Variants in EXOC6 observed in about 807,000 individuals in gnomAD.
The protein encoded by EXOC6 is exocyst complex component 6.
Under a neutral mutation model 112.5 loss-of-function variants are expected in EXOC6, and 60 were observed. The ratio of observed to expected loss-of-function variants is 0.53; its 90% CI spans 0.43 to 0.66. The LOEUF (loss-of-function observed/expected upper bound fraction) is 0.66. Ranked by LOEUF, EXOC6 falls within the 30% of genes least tolerant of loss-of-function variation. EXOC6 has a pLI of 0.00. For missense variants in EXOC6, 855 were observed against 957.1 expected (o/e 0.89, Z 1.41); for synonymous variants, 295 against 308.0 (o/e 0.96, Z 0.44).
intron 20 of EXOC6, among the ~76,000 whole-genome samples, chr10:93,043,423 G>GT (rs1324609002): frequency 6.6e-6 from 1 of 152,160 alleles, no homozygotes; most frequent in East Asian, 1.9e-4. Flanking sequence ...TTTCTTACCT[G>GT]TTTGTTATTT....
chr10:92,833,603 T>C (rs1036095047), upstream of EXOC6, among the ~76,000 whole-genome samples: 8 of 152,190 alleles, frequency 5.3e-5, no homozygotes, highest in African/African-American at 1.9e-4. Flanking sequence ...ATGCCATAGA[T>C]TGTAGTTATA....
chr10:92,985,103 C>G (rs928115596), intron 18 of EXOC6, among the ~76,000 whole-genome samples: 1 of 152,096 alleles, frequency 6.6e-6, no homozygotes, highest in Non-Finnish European at 1.5e-5. Context: ...GCCCCATCCC[C>G]CTCTGCTCTC....
chr10:92,868,810 T>C (rs1485136072), intron 1 of EXOC6, among the ~76,000 whole-genome samples: 4 of 140,790 alleles, frequency 2.8e-5, no homozygotes, highest in South Asian at 2.6e-4. Context: ...CCTCCCTCCC[T>C]CCCTCTTTTT....
intron 7 of EXOC6, among the ~76,000 whole-genome samples, chr10:92,919,781 T>C (rs1292276850): frequency 1.3e-5 from 2 of 152,176 alleles, no homozygotes; most frequent in Non-Finnish European, 2.9e-5. Flanking sequence ...ATAAACATAC[T>C]ACAAAGAATA....
intron 1 of EXOC6, among the ~76,000 whole-genome samples, chr10:92,864,671 G>A (rs946039540): frequency 2.3e-4 from 35 of 152,318 alleles, no homozygotes; most frequent in African/African-American, 8.2e-4. Context: ...GAATAAAAAG[G>A]TGAAGGAAGG....
chr10:93,016,631 A>G (rs138610269), intron 20 of EXOC6, among the ~76,000 whole-genome samples: 7 of 152,358 alleles, frequency 4.6e-5, no homozygotes, highest in African/African-American at 1.7e-4. Context: ...ATTGTCAAAT[A>G]AGAAATGGTA....
chr10:92,958,518 C>CA (rs972147870), intron 17 of EXOC6, among the ~76,000 whole-genome samples: 27 of 152,136 alleles, frequency 1.8e-4, no homozygotes, highest in African/African-American at 5.8e-4. Flanking sequence ...GACTATGTAG[C>CA]AAAGCCTTTT....
intron 1 of EXOC6, among the ~76,000 whole-genome samples, chr10:92,864,614 G>C (rs911086306): frequency 3.9e-5 from 6 of 151,950 alleles, no homozygotes; most frequent in Non-Finnish European, 8.8e-5. Context: ...AAGAAGGTCT[G>C]CCATCGCCAA....
At chr10:92,911,316 A>G (rs1232553854) in intron 6 of EXOC6, among the ~76,000 whole-genome samples, 2 of 152,098 alleles carry the variant, frequency 1.3e-5, no homozygotes, top group East Asian at 1.9e-4. Context: ...GCTCCTCACC[A>G]TTGTATTCTT....
chr10:93,041,893 TAGAG>T (rs1330649965), intron 20 of EXOC6, among the ~76,000 whole-genome samples: 2 of 152,126 alleles, frequency 1.3e-5, no homozygotes, highest in Non-Finnish European at 2.9e-5. Flanking sequence ...GGTATTTTTG[TAGAG>T]AGAGGATTTT....
chr10:92,890,594 T>G (rs1007830615), intron 1 of EXOC6, among the ~76,000 whole-genome samples: 4 of 152,010 alleles, frequency 2.6e-5, no homozygotes, highest in Admixed American at 6.6e-5. Flanking sequence ...AATGATATAG[T>G]GATAAACTCC....
At chr10:92,942,841 C>T (rs145406323) in intron 13 of EXOC6, among the ~76,000 whole-genome samples, 2 of 152,170 alleles carry the variant, frequency 1.3e-5, no homozygotes, top group East Asian at 3.9e-4. Flanking sequence ...ACTGGGGAAA[C>T]CATGAGGTAT....
At chr10:92,976,034 C>G (rs1440549916) in intron 18 of EXOC6, among the ~76,000 whole-genome samples, 2 of 70,688 alleles carry the variant, frequency 2.8e-5, no homozygotes, top group Non-Finnish European at 5.3e-5. Flanking sequence ...CCGCCGCGTC[C>G]GGGAGGGAGG....
chr10:92,983,476 T>C (rs1187518272), intron 18 of EXOC6, among the ~76,000 whole-genome samples: 1 of 126,512 alleles, frequency 7.9e-6, no homozygotes, highest in Non-Finnish European at 1.6e-5. Context: ...TTTTAAAATC[T>C]CTTCTATTTC....
intron 18 of EXOC6, among the ~76,000 whole-genome samples, chr10:92,975,962 G>T (rs1842572287): frequency 1.4e-5 from 2 of 145,558 alleles, no homozygotes; most frequent in South Asian, 4.4e-4. Context: ...CGTCCGGTAG[G>T]TGAGGGGCGC....
chr10:92,875,980 C>A (rs1015863488), intron 1 of EXOC6, among the ~76,000 whole-genome samples: 2 of 151,894 alleles, frequency 1.3e-5, no homozygotes, highest in Non-Finnish European at 2.9e-5. Context: ...CAAAAGTACT[C>A]CATATTTGGT....
chr10:92,993,383 A>G (rs955861282), intron 18 of EXOC6, among the ~76,000 whole-genome samples: 3 of 152,176 alleles, frequency 2.0e-5, no homozygotes, highest in African/African-American at 7.2e-5. Flanking sequence ...TGATTTCAAG[A>G]GCACATTTTA....
intron 20 of EXOC6, among the ~76,000 whole-genome samples, chr10:93,021,713 G>A (rs117219964): frequency 6.6e-6 from 1 of 152,336 alleles, no homozygotes; most frequent in Non-Finnish European, 1.5e-5. Flanking sequence ...AGTGGGGTAA[G>A]TTTCCTACTG....
At chr10:93,026,405 CTCT>C (rs1375237004) in intron 20 of EXOC6, among the ~76,000 whole-genome samples, 1 of 152,154 alleles carries the variant, frequency 6.6e-6, no homozygotes, top group Non-Finnish European at 1.5e-5. Context: ...TATTGTCTGT[CTCT>C]TCTTTTTTAG....
Sources: allele counts gnomAD v4.1 joint callset (sites outside exome capture counted in the v4.1 genomes callset), GRCh38; gene constraint gnomAD v4.1.1; transcripts MANE v1.5; gene names NCBI Gene and HGNC (gene_info 2026-07-23, HGNC 2026-07-21).